Variants in COL4A5 observed in about 807,000 individuals in gnomAD.
COL4A5 encodes the protein collagen type IV alpha 5 chain, also known as collagen alpha-5(IV) chain.
Under a neutral mutation model 130.2 loss-of-function variants are expected in COL4A5, and 26 were observed. The observed-to-expected ratio is 0.20, with a 90% CI of 0.15 to 0.28. COL4A5 has a LOEUF of 0.28. Among genes scored for constraint, COL4A5 ranks in the 10% least tolerant of loss-of-function variants. The pLI, the probability that COL4A5 is intolerant of heterozygous loss-of-function variation, is 1.00. For synonymous variants in COL4A5, 496 were observed against 439.6 expected, an observed-to-expected ratio of 1.13 and a Z score of -1.60; for missense variants, 1,131 against 1,344.3, an observed-to-expected ratio of 0.84 and a Z score of 2.48.
At chrX:108,686,307 G>A (rs1314024958) in intron 48 of COL4A5, among the ~76,000 whole-genome samples, 178 bp downstream of exon 48, 1 of 111,954 alleles carries the variant, frequency 8.9e-6, no homozygotes. Context: ...GTCACTATCA[G>A]AGAAGCATAC....
chrX:108,695,043 C>G, intron 51 of COL4A5, 122 bp downstream of exon 51: 2 of 680,874 alleles, frequency 2.9e-6, no homozygotes, highest in East Asian at 6.7e-5. Flanking sequence ...CAAACAGCTT[C>G]TATCCAAGCA....
At position 108,666,569 on chromosome X, in the gene COL4A5, A is replaced by G; in HGVS notation, c.3528A>G (p.Gly1176=). Residue 1176 remains glycine (G), a synonymous_variant, in exon 39 of 53, where the codon GGA becomes GGG. Transcript: ENST00000328300. ...AACCCGGTCAAGATGGTATTCCTGG[A>G]CCAGCTGGACAGAAGGGTGAACCAG... ...KGKPGQDGIP[G]PAGQKGEPGQ... 8.3e-7 allele frequency: 1 copy of G among 1,205,821 alleles called. No homozygotes were observed. The highest frequency in any genetic ancestry group is 2.2e-5 in the Admixed American group (1 of 45,742).
chrX:108,527,490 A>G (rs1280780877), intron 1 of COL4A5, among the ~76,000 whole-genome samples: 3 of 111,980 alleles, frequency 2.7e-5, no homozygotes, highest in Non-Finnish European at 5.6e-5. Flanking sequence ...TCTATATTTT[A>G]AATGCCACAG....
intron 1 of COL4A5, among the ~76,000 whole-genome samples, chrX:108,458,756 G>T (rs1200969151): frequency 1.8e-5 from 2 of 111,673 alleles, no homozygotes; most frequent in Non-Finnish European, 3.8e-5. Flanking sequence ...CGAGGCGGGT[G>T]GATCACGAGG....
Position 108,570,424 on chromosome X carries a change from CAGTGTGCTAT to C in COL4A5, c.385-987_385-978del, listed in dbSNP as rs200438386. On this transcript the variant is annotated intron_variant, in intron 6 of 52. Coordinates refer to ENST00000328300, the MANE Select transcript of COL4A5 (RefSeq NM_033380.3). ...AGGGCCAATGTATCTATAATCAGTA[CAGTGTGCTAT>C]ATGATTAAAGGGAGCATTGATTAAC... Among the ~76,000 whole-genome samples, 1,938 of 112,085 alleles carry C rather than the reference CAGTGTGCTAT, an allele frequency of 0.017. 52 individuals are homozygous for C. The highest frequency in any genetic ancestry group is 0.059 in the African/African-American group (1,818 of 30,801).
intron 1 of COL4A5, among the ~76,000 whole-genome samples, chrX:108,496,683 A>G (rs2065038444): frequency 9.0e-6 from 1 of 111,432 alleles, no homozygotes. Context: ...TATTTCTGAC[A>G]GGTTCTGCCT....
At chrX:108,661,757 C>T (rs2072041215) in intron 37 of COL4A5, among the ~76,000 whole-genome samples, 1 of 111,179 alleles carries the variant, frequency 9.0e-6, no homozygotes, top group African/African-American at 3.3e-5. Context: ...CTGGTATCAA[C>T]TTGATCCTGC....
chrX:108,695,222 T>G, intron 51 of COL4A5, 45 bp from the exon 52 acceptor site: 1 of 1,201,351 alleles, frequency 8.3e-7, no homozygotes, highest in Non-Finnish European at 1.1e-6. Flanking sequence ...ACTAAGCTAT[T>G]ATGGCACATG....
At chrX:108,495,254 CAATA>C (rs2147555363) in intron 1 of COL4A5, among the ~76,000 whole-genome samples, 1 of 109,647 alleles carries the variant, frequency 9.1e-6, no homozygotes, top group African/African-American at 3.3e-5. Flanking sequence ...AAAAAGAAAA[CAATA>C]AAACGTTTAG....
chrX:108,516,689 C>G (rs181581919), intron 1 of COL4A5, among the ~76,000 whole-genome samples: 52 of 111,992 alleles, frequency 4.6e-4, no homozygotes, highest in African/African-American at 1.6e-3. Flanking sequence ...GTAAATCATT[C>G]TAAATGATAC....
chrX:108,632,797 A>G (rs2067287373), intron 36 of COL4A5, among the ~76,000 whole-genome samples: 1 of 111,468 alleles, frequency 9.0e-6, no homozygotes, highest in Admixed American at 9.5e-5. Context: ...CATGCTAAAA[A>G]CTCAATAAAC....
At chrX:108,469,766 T>C (rs1314413960) in intron 1 of COL4A5, among the ~76,000 whole-genome samples, 7 of 111,979 alleles carry the variant, frequency 6.3e-5, no homozygotes, top group Non-Finnish European at 1.3e-4. Context: ...AGGTTTGATG[T>C]ATGAATGATC....
At chrX:108,568,510 T>C (rs2066009722) in intron 4 of COL4A5, 119 bp from the exon 5 acceptor site, 3 of 534,210 alleles carry the variant, frequency 5.6e-6, no homozygotes, top group Non-Finnish European at 9.8e-6. Context: ...TAGTAATAAA[T>C]AGTGAGACAC....
At chrX:108,442,883 C>G (rs1289027889) in intron 1 of COL4A5, 3 of 111,766 alleles carry the variant, frequency 2.7e-5, no homozygotes, top group Non-Finnish European at 5.6e-5. Context: ...ATTATCCTCA[C>G]TTTACAGATG....
intron 1 of COL4A5, among the ~76,000 whole-genome samples, chrX:108,476,974 G>A (rs1216494579): frequency 2.7e-5 from 3 of 111,396 alleles, no homozygotes; most frequent in African/African-American, 9.8e-5. Context: ...GGGACAGAAC[G>A]AATAGGACAG....
intron 36 of COL4A5, among the ~76,000 whole-genome samples, chrX:108,638,236 A>T (rs1342196171): frequency 9.0e-6 from 1 of 111,262 alleles, no homozygotes; most frequent in African/African-American, 3.3e-5. Flanking sequence ...GTCAAGTGAG[A>T]TTTTTTCCTG....
Position 108,692,413 on chromosome X carries a change from G to A in COL4A5, c.4529-335G>A, listed in dbSNP as rs138998989. Among the ~76,000 whole-genome samples, 490 of 111,077 alleles carry A rather than the reference G, an allele frequency of 4.4e-3. 11 individuals are homozygous for A. The East Asian group carries it at 0.075, about 17-fold the overall frequency. ...GAGCACGAAATATTGATAAGATATCGTAAGGACTCAGTATGTGTCCTTCAC... is the reference window on the plus strand; with the variant it reads ...GAGCACGAAATATTGATAAGATATCATAAGGACTCAGTATGTGTCCTTCAC... On this transcript the variant is annotated intron_variant, in intron 49 of 52. Coordinates refer to ENST00000328300, the MANE Select transcript of COL4A5 (RefSeq NM_033380.3).
intron 46 of COL4A5, 72 bp from the exon 47 acceptor site, chrX:108,681,688 C>G: frequency 1.7e-6 from 2 of 1,197,073 alleles, no homozygotes; most frequent in Non-Finnish European, 2.3e-6. Context: ...TTGTCCTGAA[C>G]TTAGGTCACT....
At chrX:108,621,143 CTCCT>C (rs200708056) in intron 31 of COL4A5, among the ~76,000 whole-genome samples, 8,332 of 86,292 alleles carry the variant, frequency 0.097, 1,060 homozygotes, top group African/African-American at 0.32. Flanking sequence ...CTTTCTCTCT[CTCCT>C]TCCTTCCTTC....
Sources: allele counts gnomAD v4.1 joint callset (sites outside exome capture counted in the v4.1 genomes callset), GRCh38; gene constraint gnomAD v4.1.1; transcripts MANE v1.5; gene names NCBI Gene and HGNC (gene_info 2026-07-23, HGNC 2026-07-21).